JAG2: variants seen among roughly 807,000 people sequenced by gnomAD.
JAG2 encodes the protein jagged canonical Notch ligand 2.
Under a neutral mutation model 141.7 loss-of-function variants are expected in JAG2, and 46 were observed. The ratio of observed to expected loss-of-function variants is 0.32; its 90% CI spans 0.26 to 0.42. JAG2 has a LOEUF of 0.42. Ranked by LOEUF, JAG2 falls within the 10% of genes least tolerant of loss-of-function variation. The pLI, the probability that JAG2 is intolerant of heterozygous loss-of-function variation, is 1.00. For missense variants in JAG2, 1,500 were observed against 1,817.5 expected (o/e 0.83, Z 3.18); for synonymous variants, 862 against 763.5 (o/e 1.13, Z -2.13).
At chr14:105,165,701 G>A (rs1244517200) in intron 2 of JAG2, among the ~76,000 whole-genome samples, 7 of 152,258 alleles carry the variant, frequency 4.6e-5, no homozygotes, top group Admixed American at 2.0e-4. Flanking sequence ...TGGAGGGAGC[G>A]AATGCAGAGC....
intron 1 of JAG2, 118 bp from the exon 2 acceptor site, chr14:105,168,225 A>G (rs1888984078): frequency 1.3e-6 from 1 of 743,732 alleles, no homozygotes; most frequent in Non-Finnish European, 1.6e-6. Flanking sequence ...GCCCGCCCGG[A>G]GCCCCAGCCG....
chr14:105,149,860 GCAGGTAA>G (rs1888361006), intron 12 of JAG2, among the ~76,000 whole-genome samples: 1 of 69,834 alleles, frequency 1.4e-5, no homozygotes, highest in Non-Finnish European at 2.9e-5. Context: ...TGGTAGGGAG[GCAGGTAA>G]TGGGGAGGCA....
rs777883187 is a variant in JAG2, at chr14:105,146,593, C to A, written c.2593+18G>T. On this transcript the variant is annotated intron_variant, in intron 21 of 25. Transcript: ENST00000331782. ...CCCCCCAACCCGCCCCAACCCAGGG[C>A]AATCACACGGGGCCTACCTTCCTGG... is the stretch of plus-strand genomic sequence containing the variant. The A allele has an allele frequency of 1.1e-5, 18 of 1,610,262 alleles. No homozygotes were observed. Among genetic ancestry groups the A allele is most frequent in the Non-Finnish European group, 1.0e-5 (12 of 1,177,848 alleles).
Position 105,151,743 on chromosome 14 carries a change from T to C in JAG2, c.1040-4A>G, listed in dbSNP as rs1595179544. Reference sequence around the variant, plus strand: ...TTGGAGGTGCAGGCGTGCTCAGCTGTAGAACCGCGGGGAGGGGGCAGAGCT... The same window carrying C: ...TTGGAGGTGCAGGCGTGCTCAGCTGCAGAACCGCGGGGAGGGGGCAGAGCT... On this transcript the variant is annotated splice_region_variant and splice_polypyrimidine_tract_variant and intron_variant, in intron 7 of 25. Transcript: ENST00000331782. 2 of 1,607,798 alleles carry C rather than the reference T, an allele frequency of 1.2e-6. No homozygotes were observed. The highest frequency in any genetic ancestry group is 1.7e-6 in the Non-Finnish European group (2 of 1,177,612).
In JAG2 at chr14:105,167,694, G is replaced by A. The variant is rs2140999866; in HGVS notation, c.417+63C>T. 3 of 1,341,056 alleles carry A rather than the reference G, an allele frequency of 2.2e-6. No homozygotes were observed. The highest frequency in any genetic ancestry group is 2.7e-4 in the Middle Eastern group (1 of 3,660). The allele number at this position is 1,341,056 out of a possible 1,614,324, so 83.1% of individuals were successfully genotyped here. A position where few individuals can be genotyped will look rare whatever the true frequency, so the allele number is the denominator to read the frequency against. On this transcript the variant is annotated intron_variant, in intron 2 of 25. Coordinates refer to ENST00000331782, the MANE Select transcript of JAG2 (RefSeq NM_002226.5). This position sits in a 1 kb window ranked among gnomAD's most constrained non-coding sequence, Gnocchi z 4.8. Reference sequence around the variant, plus strand: ...CCGCAGGTGTTGGGGGTCGCGAAGCGCGCGGGGCCGGGGCGCGGAGAGAGA... The same window carrying A: ...CCGCAGGTGTTGGGGGTCGCGAAGCACGCGGGGCCGGGGCGCGGAGAGAGA...
chr14:105,147,272 G>C, intron 20 of JAG2, 54 bp downstream of exon 20: 1 of 1,403,162 alleles, frequency 7.1e-7, no homozygotes, highest in Non-Finnish European at 9.9e-7. Context: ...CCAGACTCCT[G>C]ACACCGCGGC....
intron 2 of JAG2, among the ~76,000 whole-genome samples, chr14:105,161,572 G>A (rs1888748786): frequency 6.6e-6 from 1 of 151,468 alleles, no homozygotes; most frequent in Non-Finnish European, 1.5e-5. Context: ...GGGCCTCACC[G>A]CCCGCCAGCT....
chr14:105,145,181 C>T (rs928280889), intron 23 of JAG2, 120 bp from the exon 24 acceptor site: 7 of 1,351,718 alleles, frequency 5.2e-6, no homozygotes, highest in East Asian at 2.4e-5. Flanking sequence ...GAGAGCACAG[C>T]AAGGATGCCA....
chr14:105,151,833 G>A, intron 7 of JAG2, 94 bp from the exon 8 acceptor site: 2 of 1,604,156 alleles, frequency 1.2e-6, no homozygotes, highest in South Asian at 2.2e-5. Context: ...CAAGCTGGGG[G>A]TCAGGGGCCC....
chr14:105,156,671 A>G (rs765722011), intron 3 of JAG2, among the ~76,000 whole-genome samples: 4 of 152,106 alleles, frequency 2.6e-5, no homozygotes, highest in Non-Finnish European at 4.4e-5. Flanking sequence ...TTTGCACAAT[A>G]AAAGGTGAAC....
intron 5 of JAG2, 78 bp downstream of exon 5, chr14:105,155,484 G>A: frequency 1.3e-6 from 2 of 1,540,586 alleles, no homozygotes; most frequent in Non-Finnish European, 1.8e-6. Flanking sequence ...GGCGACTCCT[G>A]ACAGCAAGGC....
chr14:105,157,662 G>T, intron 3 of JAG2, 44 bp downstream of exon 3: 1 of 1,521,296 alleles, frequency 6.6e-7, no homozygotes, highest in Non-Finnish European at 8.9e-7. Flanking sequence ...CCACAGGCAC[G>T]CTGAAGCTGA....
In JAG2 at chr14:105,150,819, C is replaced by T. The variant is rs371620673; in HGVS notation, c.1429-42G>A. 1.6e-4 allele frequency: 244 copies of T among 1,572,326 alleles called. No homozygotes were observed. In the African/African-American group the frequency reaches 2.6e-3, roughly 17 times the overall value. ...GGTGAGCGTCCCGCAGGCACCCTGA[C>T]GGCCCCGCAGCACCCACGCCACACA... On this transcript the variant is annotated intron_variant, in intron 11 of 25. Coordinates refer to ENST00000331782, the MANE Select transcript of JAG2 (RefSeq NM_002226.5).
Position 105,167,683 on chromosome 14 carries a change from G to T in JAG2, c.417+74C>A. ...CGCAGACCCGGCCGCAGGTGTTGGG[G>T]GTCGCGAAGCGCGCGGGGCCGGGGC... is the stretch of plus-strand genomic sequence containing the variant. On this transcript the variant is annotated intron_variant, in intron 2 of 25. Transcript: ENST00000331782. The surrounding 1 kb of genome is among the most constrained non-coding windows in gnomAD (Gnocchi z 4.8). 1 of 1,312,752 alleles carries T rather than the reference G, an allele frequency of 7.6e-7. No individual in the cohort carries two copies. The allele number at this position is 1,312,752 out of a possible 1,614,324, so 81.3% of individuals were successfully genotyped here. A position where few individuals can be genotyped will look rare whatever the true frequency, so the allele number is the denominator to read the frequency against.
At chr14:105,151,248 G>GC in intron 9 of JAG2, 35 bp downstream of exon 9, 1 of 1,586,384 alleles carries the variant, frequency 6.3e-7, no homozygotes, top group Non-Finnish European at 8.6e-7. Flanking sequence ...CGCATGCGCG[G>GC]CCCACGTTCC....
Position 105,142,908 on chromosome 14 carries a change from C to T in JAG2, c.3504G>A (p.Pro1168=), listed in dbSNP as rs763479938. 19 of 1,604,444 alleles carry T rather than the reference C, an allele frequency of 1.2e-5. No individual in the cohort carries two copies. The highest frequency in any genetic ancestry group is 4.0e-5 in the African/African-American group (3 of 74,736). ...PRRADEALPG[P]AGHAAVREDE... ...CCTCCCTGACGGCCGCGTGGCCGGC[C>T]GGCCCGGGCAGCGCCTCGTCCGCCC... is the stretch of plus-strand genomic sequence containing the variant. Residue 1168 remains proline (P), a synonymous_variant, in exon 26 of 26, where the codon CCG becomes CCA. Transcript: ENST00000331782.
At position 105,142,979 on chromosome 14, in the gene JAG2, T is replaced by C. The variant is rs1256587490; in HGVS notation, c.3433A>G (p.Lys1145Glu). The stretch of plus-strand genomic sequence containing the variant: ...TTCTTGCACTGGTAGAGCACGTCCT[T>C]GTGGCCCCCCGGCCGCTCAATGGGG... ...RNPIERPGGH[K>E]DVLYQCKNFT... The change falls in exon 26 of 26, where the codon AAG becomes GAG. Residue 1145 changes from lysine (K) to glutamate (E), a missense_variant. Coordinates refer to ENST00000331782, the MANE Select transcript of JAG2 (RefSeq NM_002226.5). The C allele has an allele frequency of 1.2e-6, 2 of 1,609,988 alleles. No homozygotes were observed. Among genetic ancestry groups the C allele is most frequent in the Non-Finnish European group, 1.7e-6 (2 of 1,179,236 alleles).
intron 2 of JAG2, among the ~76,000 whole-genome samples, chr14:105,158,979 AC>A (rs1420351404): frequency 2.0e-5 from 3 of 150,736 alleles, no homozygotes; most frequent in African/African-American, 7.3e-5. Flanking sequence ...CCCGCCGCCC[AC>A]CCCACGCACG....
chr14:105,153,088 G>A (rs1888483814), intron 5 of JAG2, among the ~76,000 whole-genome samples: 1 of 152,258 alleles, frequency 6.6e-6, no homozygotes. Flanking sequence ...AGGCCCTGCC[G>A]GGACTCCCGG....
Sources: gnomAD v4.1 joint callset for allele counts (sites outside exome capture counted in the v4.1 genomes callset) on GRCh38, gnomAD v4.1.1 for gene constraint, Gnocchi (gnomAD v3.1) non-coding constraint, MANE v1.5 for transcripts, NCBI Gene and HGNC (gene_info 2026-07-23, HGNC 2026-07-21) for gene names.